The following MARCHF1 variants were observed in gnomAD, a reference collection of about 807,000 sequenced individuals.
MARCHF1 encodes the protein membrane associated ring-CH-type finger 1.
In MARCHF1, 40 loss-of-function variants were observed where a neutral mutation model predicts 54.2. The ratio of observed to expected loss-of-function variants is 0.74; its 90% CI spans 0.57 to 0.96. The LOEUF (loss-of-function observed/expected upper bound fraction) is 0.96, where lower values mean the gene tolerates loss of function less well. Ranked by LOEUF, MARCHF1 falls within the 40% of genes least tolerant of loss-of-function variation. MARCHF1 has a pLI of 0.00. For missense variants in MARCHF1, 586 were observed against 656.5 expected, an observed-to-expected ratio of 0.89 and a Z score of 1.17; for synonymous variants, 236 against 236.3, an observed-to-expected ratio of 1.00 and a Z score of 0.01.
At chr4:164,220,511 A>G (rs1421754146) in intron 1 of MARCHF1, among the ~76,000 whole-genome samples, 1 of 145,980 alleles carries the variant, frequency 6.9e-6, no homozygotes, top group Non-Finnish European at 1.5e-5. Flanking sequence ...GGAATGGCAT[A>G]TATATGTAAT....
At chr4:163,529,477 G>A (rs749788640) in intron 9 of MARCHF1, among the ~76,000 whole-genome samples, 11 of 151,988 alleles carry the variant, frequency 7.2e-5, no homozygotes, top group Non-Finnish European at 1.2e-4. Context: ...GGGTTTGTAT[G>A]TACAGGTCTT....
chr4:164,331,897 A>T (rs897720440), intron 1 of MARCHF1, among the ~76,000 whole-genome samples: 37 of 152,218 alleles, frequency 2.4e-4, no homozygotes, highest in African/African-American at 7.5e-4. Context: ...CTTATCGTTT[A>T]GAAATCATTT....
At chr4:164,122,959 A>G (rs1756102974) in intron 1 of MARCHF1, among the ~76,000 whole-genome samples, 1 of 152,172 alleles carries the variant, frequency 6.6e-6, no homozygotes, top group Non-Finnish European at 1.5e-5. Context: ...GCAATTCAAG[A>G]AATTCAAGAA....
chr4:163,894,049 C>T (rs374117837), intron 3 of MARCHF1, among the ~76,000 whole-genome samples: 84 of 152,280 alleles, frequency 5.5e-4, no homozygotes, highest in African/African-American at 1.9e-3. Context: ...TCCATTTCCT[C>T]ATTTTTCTCG....
At chr4:163,583,089 G>A (rs1740281821) in intron 8 of MARCHF1, among the ~76,000 whole-genome samples, 1 of 152,196 alleles carries the variant, frequency 6.6e-6, no homozygotes, top group Non-Finnish European at 1.5e-5. Context: ...CCCTACACAA[G>A]TGCCACAGAG....
chr4:164,237,020 G>T (rs531581041), intron 1 of MARCHF1, among the ~76,000 whole-genome samples: 1 of 152,108 alleles, frequency 6.6e-6, no homozygotes, highest in African/African-American at 2.4e-5. Context: ...TCTATCATTT[G>T]GTTCTTCAGA....
chr4:164,356,126 G>T (rs1730524052), intron 1 of MARCHF1, among the ~76,000 whole-genome samples: 1 of 125,018 alleles, frequency 8.0e-6, no homozygotes, highest in South Asian at 2.6e-4. Flanking sequence ...ACAGGTGCTG[G>T]AGAGGATGTG....
chr4:163,678,744 C>A (rs1743997889), intron 5 of MARCHF1, among the ~76,000 whole-genome samples: 1 of 152,094 alleles, frequency 6.6e-6, no homozygotes, highest in African/African-American at 2.4e-5. Flanking sequence ...TCTACATTTT[C>A]TTTCTCAGTA....
chr4:163,922,760 A>T (rs578213132), intron 3 of MARCHF1, among the ~76,000 whole-genome samples: 32 of 152,330 alleles, frequency 2.1e-4, no homozygotes, highest in Middle Eastern at 3.4e-3. Flanking sequence ...AATGACACAC[A>T]TCAATAGATC....
intron 5 of MARCHF1, among the ~76,000 whole-genome samples, chr4:163,653,188 G>A (rs2111076631): frequency 6.6e-6 from 1 of 151,890 alleles, no homozygotes; most frequent in African/African-American, 2.4e-5. Flanking sequence ...TAGGCAGAGA[G>A]AACAGTGAGT....
At chr4:164,315,037 G>T (rs909929391) in intron 1 of MARCHF1, among the ~76,000 whole-genome samples, 2 of 152,102 alleles carry the variant, frequency 1.3e-5, no homozygotes, top group Non-Finnish European at 2.9e-5. Context: ...TAGCAAAACA[G>T]AGAAGAGTTA....
chr4:164,275,104 A>G (rs1733845263), intron 1 of MARCHF1, among the ~76,000 whole-genome samples: 1 of 151,528 alleles, frequency 6.6e-6, no homozygotes, highest in Non-Finnish European at 1.5e-5. Context: ...TAATATAATA[A>G]TTTTCTTTAA....
intron 4 of MARCHF1, among the ~76,000 whole-genome samples, chr4:163,731,177 C>A (rs1745817799): frequency 1.3e-5 from 2 of 152,154 alleles, no homozygotes; most frequent in Non-Finnish European, 2.9e-5. Flanking sequence ...CCAATTAATT[C>A]TCTTCATAGT....
At chr4:163,957,068 A>C (rs1752246227) in intron 3 of MARCHF1, among the ~76,000 whole-genome samples, 1 of 152,064 alleles carries the variant, frequency 6.6e-6, no homozygotes. Flanking sequence ...CTAAATAATT[A>C]TATAAAGGTA....
chr4:163,539,956 G>A (rs974324878), intron 9 of MARCHF1, among the ~76,000 whole-genome samples: 1 of 152,008 alleles, frequency 6.6e-6, no homozygotes, highest in Admixed American at 6.6e-5. Flanking sequence ...ATAGAATGGG[G>A]TCCTGGTTCC....
chr4:163,768,712 T>C, intron 4 of MARCHF1, among the ~76,000 whole-genome samples: 1 of 152,210 alleles, frequency 6.6e-6, no homozygotes. Flanking sequence ...TTATTGAGTG[T>C]AACCTTTTGC....
intron 1 of MARCHF1, among the ~76,000 whole-genome samples, chr4:164,196,762 T>C (rs949777486): frequency 7.2e-5 from 11 of 152,092 alleles, no homozygotes; most frequent in African/African-American, 2.7e-4. Context: ...TTTACAAATA[T>C]TATTTTATTT....
intron 1 of MARCHF1, among the ~76,000 whole-genome samples, chr4:164,378,426 G>A (rs1411140577): frequency 3.3e-5 from 5 of 152,220 alleles, no homozygotes; most frequent in East Asian, 1.9e-4. Context: ...TATGAGTGGA[G>A]GCTAAGACAC....
chr4:163,913,493 G>A (rs1331295221), intron 3 of MARCHF1, among the ~76,000 whole-genome samples: 1 of 152,086 alleles, frequency 6.6e-6, no homozygotes, highest in Non-Finnish European at 1.5e-5. Flanking sequence ...AAAGACAGTT[G>A]CTATTTTCCC....
Sources: allele counts gnomAD v4.1 joint callset (sites outside exome capture counted in the v4.1 genomes callset), GRCh38; gene constraint gnomAD v4.1.1; transcripts MANE v1.5; gene names NCBI Gene and HGNC (gene_info 2026-07-23, HGNC 2026-07-21).